GUCA1C: variants seen among roughly 807,000 people sequenced by gnomAD.
The protein encoded by GUCA1C is guanylate cyclase activator 1C.
GUCA1C carries 15 observed loss-of-function variants against 16.2 expected under a neutral mutation model. That is an observed-to-expected ratio of 0.93 (90% confidence interval 0.62 to 1.43). The LOEUF (loss-of-function observed/expected upper bound fraction) is 1.43. GUCA1C is among the 40% of genes most tolerant of loss of function. The pLI is 0.00. For synonymous variants in GUCA1C, 78 were observed against 85.4 expected, an observed-to-expected ratio of 0.91 and a Z score of 0.48; for missense variants, 275 against 244.8, an observed-to-expected ratio of 1.12 and a Z score of -0.82.
chr3:108,911,806 T>C (rs933751632), intron 3 of GUCA1C, among the ~76,000 whole-genome samples: 3 of 152,104 alleles, frequency 2.0e-5, no homozygotes, highest in Non-Finnish European at 4.4e-5. Flanking sequence ...AAATATCTGC[T>C]CAATAATCAC....
intron 1 of GUCA1C, among the ~76,000 whole-genome samples, chr3:108,946,857 A>G (rs1227927452): frequency 6.7e-6 from 1 of 148,366 alleles, no homozygotes; most frequent in Non-Finnish European, 1.5e-5. Context: ...CAACATGAGC[A>G]CCTTGTTTGG....
intron 1 of GUCA1C, among the ~76,000 whole-genome samples, chr3:108,949,663 G>A (rs1227913050): frequency 3.9e-5 from 6 of 152,126 alleles, no homozygotes; most frequent in African/African-American, 9.7e-5. Flanking sequence ...CCATTGTGAC[G>A]GTTGAATGTA....
chr3:108,927,804 A>T (rs142814182), intron 1 of GUCA1C, among the ~76,000 whole-genome samples: 1 of 152,108 alleles, frequency 6.6e-6, no homozygotes, highest in Non-Finnish European at 1.5e-5. Context: ...TTGTCATACT[A>T]TCAGAATTGT....
chr3:108,938,655 T>C (rs187602751), intron 1 of GUCA1C, among the ~76,000 whole-genome samples: 2 of 152,338 alleles, frequency 1.3e-5, no homozygotes, highest in East Asian at 1.9e-4. Flanking sequence ...ACAGTCTCTA[T>C]GAAACATGGA....
chr3:108,930,622 G>A (rs997077875), intron 1 of GUCA1C, among the ~76,000 whole-genome samples: 2 of 152,128 alleles, frequency 1.3e-5, no homozygotes, highest in Non-Finnish European at 2.9e-5. Context: ...ACTACATTTA[G>A]TATTAGATTT....
At chr3:108,951,520 T>C (rs1326265750) in intron 1 of GUCA1C, among the ~76,000 whole-genome samples, 2 of 152,226 alleles carry the variant, frequency 1.3e-5, no homozygotes, top group African/African-American at 4.8e-5. Context: ...AGTAAATCTT[T>C]GGGGATTCTG....
chr3:108,940,784 T>C (rs1946777784), intron 1 of GUCA1C, among the ~76,000 whole-genome samples: 1 of 152,240 alleles, frequency 6.6e-6, no homozygotes, highest in Admixed American at 6.5e-5. Context: ...TTCCATTCAT[T>C]TGTGGACTGG....
At chr3:108,954,885 C>T (rs781614054), upstream of GUCA1C, among the ~76,000 whole-genome samples, 1 of 151,734 alleles carries the variant, frequency 6.6e-6, no homozygotes, top group Non-Finnish European at 1.5e-5. Context: ...TACAGGCGCC[C>T]GCCACCACGC....
chr3:108,953,913 G>T, upstream of GUCA1C: 1 of 605,908 alleles, frequency 1.7e-6, no homozygotes, highest in Non-Finnish European at 3.0e-6. Context: ...AATAAGAATA[G>T]AAAGCCAGTG....
intron 1 of GUCA1C, among the ~76,000 whole-genome samples, chr3:108,940,134 T>C (rs1946771240): frequency 6.6e-6 from 1 of 152,210 alleles, no homozygotes; most frequent in Non-Finnish European, 1.5e-5. Flanking sequence ...ATGATGTACT[T>C]TATTATCACA....
At chr3:108,922,015 C>T (rs943146200) in intron 1 of GUCA1C, among the ~76,000 whole-genome samples, 2 of 152,092 alleles carry the variant, frequency 1.3e-5, no homozygotes, top group African/African-American at 4.8e-5. Flanking sequence ...TGAGTGAGAA[C>T]AGACATTGTT....
chr3:108,948,671 G>A (rs1296592777), intron 1 of GUCA1C, among the ~76,000 whole-genome samples: 1 of 152,014 alleles, frequency 6.6e-6, no homozygotes, highest in Admixed American at 6.6e-5. Flanking sequence ...TTCTGGTGTT[G>A]GTGTTAAGAA....
At chr3:108,933,943 A>G (rs1946695253) in intron 1 of GUCA1C, among the ~76,000 whole-genome samples, 1 of 152,222 alleles carries the variant, frequency 6.6e-6, no homozygotes, top group Admixed American at 6.5e-5. Context: ...ATGCCCATCA[A>G]TGATAGATGG....
chr3:108,910,778 T>G (rs370225848), intron 3 of GUCA1C, among the ~76,000 whole-genome samples: 3 of 151,404 alleles, frequency 2.0e-5, no homozygotes, highest in East Asian at 4.0e-4. Flanking sequence ...GCCTCCCGAG[T>G]AGCTGGGACT....
At chr3:108,952,783 T>G (rs1222339218) in intron 1 of GUCA1C, among the ~76,000 whole-genome samples, 1 of 152,106 alleles carries the variant, frequency 6.6e-6, no homozygotes, top group Non-Finnish European at 1.5e-5. Flanking sequence ...AATATACAAA[T>G]CTACAGTAAA....
At chr3:108,942,893 A>T (rs1946801840) in intron 1 of GUCA1C, among the ~76,000 whole-genome samples, 1 of 152,200 alleles carries the variant, frequency 6.6e-6, no homozygotes, top group Non-Finnish European at 1.5e-5. Flanking sequence ...CAGTGAGATA[A>T]TAATACAGAT....
intron 1 of GUCA1C, among the ~76,000 whole-genome samples, chr3:108,951,400 C>A (rs1258277491): frequency 6.6e-6 from 1 of 151,974 alleles, no homozygotes; most frequent in African/African-American, 2.4e-5. Flanking sequence ...ATGTTGCATA[C>A]CTTAGACATA....
chr3:108,908,362 A>C (rs60076967), intron 3 of GUCA1C, among the ~76,000 whole-genome samples, 153 bp from the exon 4 acceptor site: 4,808 of 151,942 alleles, frequency 0.032, 286 homozygotes, highest in African/African-American at 0.11. Flanking sequence ...TAAACAAAAA[A>C]AAAAAAAAAA....
At chr3:108,935,878 A>G (rs979041589) in intron 1 of GUCA1C, among the ~76,000 whole-genome samples, 2 of 152,202 alleles carry the variant, frequency 1.3e-5, no homozygotes, top group African/African-American at 4.8e-5. Context: ...GAAGTGGAAT[A>G]TATGGTCTTC....
Sources: allele counts gnomAD v4.1 joint callset (sites outside exome capture counted in the v4.1 genomes callset), GRCh38; gene constraint gnomAD v4.1.1; transcripts MANE v1.5; gene names NCBI Gene and HGNC (gene_info 2026-07-23, HGNC 2026-07-21).